IQGAP2: variants seen among roughly 807,000 people sequenced by gnomAD.
The protein encoded by IQGAP2 is IQ motif containing GTPase activating protein 2, also known as ras GTPase-activating-like protein IQGAP2.
A neutral mutation model predicts 201.3 loss-of-function variants in IQGAP2; 173 were observed. The ratio of observed to expected loss-of-function variants is 0.86; its 90% CI spans 0.76 to 0.98. IQGAP2 has a LOEUF of 0.98. Ranked by LOEUF, IQGAP2 falls within the 50% of genes least tolerant of loss-of-function variation. IQGAP2 has a pLI of 0.00. For synonymous variants in IQGAP2, 675 were observed against 673.9 expected (o/e 1.00, Z -0.03); for missense variants, 1,687 against 1,864.8 (o/e 0.90, Z 1.76).
intron 2 of IQGAP2, among the ~76,000 whole-genome samples, chr5:76,486,774 T>C (rs1035987923): frequency 1.3e-5 from 2 of 151,902 alleles, no homozygotes; most frequent in Non-Finnish European, 2.9e-5. Context: ...TTCTTCAGAG[T>C]TTTGTTTTGT....
Position 76,454,292 on chromosome 5 carries a change from T to TATATA in IQGAP2, c.47-7278_47-7277insATATA, listed in dbSNP as rs1561383602. Among the ~76,000 whole-genome samples, 116 of 151,938 alleles carry TATATA rather than the reference T, an allele frequency of 7.6e-4. 2 individuals carry two copies. The South Asian group carries it at 0.023, about 30-fold the overall frequency. On this transcript the variant is annotated intron_variant, in intron 1 of 35. Transcript: ENST00000274364. ...AAAAAGAAATTAGATATATATATAT[T>TATATA]TTTTAATTATTATTATACTTTAAGT...
chr5:76,444,569 G>T (rs1160173883), intron 1 of IQGAP2, among the ~76,000 whole-genome samples: 2 of 152,204 alleles, frequency 1.3e-5, no homozygotes, highest in Admixed American at 6.5e-5. Flanking sequence ...AAATTGCTGG[G>T]ATTACAGGCG....
chr5:76,490,524 G>A lies in IQGAP2; in HGVS notation c.146+28855G>A, dbSNP rs7724382. 8.1e-3 allele frequency among the ~76,000 whole-genome samples: 1,226 copies of A among 152,216 alleles called. 17 individuals are homozygous for A. Among genetic ancestry groups the A allele is most frequent in the African/African-American group, 0.028 (1,159 of 41,516 alleles). On this transcript the variant is annotated intron_variant, in intron 2 of 35. Transcript: ENST00000274364. ...TTTGGAATGCTTTTAGAGACCATTAGGACTTAGGAGCAGTGCAGTGGATGT... is the reference window on the plus strand; with the variant it reads ...TTTGGAATGCTTTTAGAGACCATTAAGACTTAGGAGCAGTGCAGTGGATGT...
At position 76,677,265 on chromosome 5, in the gene IQGAP2, T is replaced by G. The variant is rs776544038; in HGVS notation, c.3575T>G (p.Phe1192Cys). 8 of 1,613,438 alleles carry G rather than the reference T, an allele frequency of 5.0e-6. No individual in the cohort carries two copies. The highest frequency in any genetic ancestry group is 3.4e-6 in the Non-Finnish European group (4 of 1,179,610). ...AATGTCCCTGAGCCAGAAGAGAAGT[T>G]TAATATGGACAAATACACAGACCTG... ...ACNVPEPEEK[F>C]NMDKYTDLVT... The change falls in exon 28 of 36, where the codon TTT (phenylalanine) becomes TGT (cysteine). Residue 1192 changes from phenylalanine to cysteine, a missense_variant. Physicochemically the swap from Phe to Cys is radical, Grantham distance 205 (BLOSUM62 -2). Coordinates refer to ENST00000274364, the MANE Select transcript of IQGAP2 (RefSeq NM_006633.5).
At chr5:76,571,919 A>G (rs1745141839) in intron 4 of IQGAP2, among the ~76,000 whole-genome samples, 3 of 152,238 alleles carry the variant, frequency 2.0e-5, no homozygotes, top group East Asian at 1.9e-4. Flanking sequence ...GTGTGCATGT[A>G]TGTGTGATTC....
chr5:76,609,221 T>TGTTTTAA, intron 12 of IQGAP2: 1 of 1,535,938 alleles, frequency 6.5e-7, no homozygotes, highest in Non-Finnish European at 8.7e-7. Flanking sequence ...TTGGATGGGG[T>TGTTTTAA]GTTTTAAAGG....
chr5:76,620,909 A>G (rs185371897), intron 13 of IQGAP2, among the ~76,000 whole-genome samples: 29 of 152,320 alleles, frequency 1.9e-4, no homozygotes, highest in Admixed American at 1.2e-3. Flanking sequence ...AATTCCTGCA[A>G]TTTCAAAAAC....
At chr5:76,565,891 GACT>G (rs1744714610) in intron 3 of IQGAP2, among the ~76,000 whole-genome samples, 1 of 152,116 alleles carries the variant, frequency 6.6e-6, no homozygotes, top group Non-Finnish European at 1.5e-5. Context: ...TCCCACCCCA[GACT>G]ACTGAGTCAG....
intron 2 of IQGAP2, among the ~76,000 whole-genome samples, chr5:76,516,617 G>A (rs1225203203): frequency 6.6e-6 from 1 of 152,180 alleles, no homozygotes; most frequent in Admixed American, 6.5e-5. Context: ...GTATGTGCGT[G>A]TGTTGGGGGA....
chr5:76,639,971 A>C (rs944366133), intron 16 of IQGAP2, among the ~76,000 whole-genome samples: 2 of 152,228 alleles, frequency 1.3e-5, no homozygotes, highest in Middle Eastern at 3.2e-3. Context: ...AGCATCGAAG[A>C]TTTAAAATTT....
At chr5:76,546,476 T>A (rs74753162) in intron 2 of IQGAP2, among the ~76,000 whole-genome samples, 2,529 of 152,178 alleles carry the variant, frequency 0.017, 70 homozygotes, top group African/African-American at 0.057. Flanking sequence ...TGTAGTGCAC[T>A]ATACTTAGAG....
At chr5:76,422,303 T>C (rs995717903) in intron 1 of IQGAP2, among the ~76,000 whole-genome samples, 2 of 152,196 alleles carry the variant, frequency 1.3e-5, no homozygotes, top group African/African-American at 4.8e-5. Flanking sequence ...TATAGATTGC[T>C]GAGGCCACAG....
chr5:76,419,265 C>T (rs1355178176), intron 1 of IQGAP2, among the ~76,000 whole-genome samples: 2 of 152,104 alleles, frequency 1.3e-5, no homozygotes, highest in Non-Finnish European at 2.9e-5. Flanking sequence ...GCTAGGACTA[C>T]AGGCATGCAC....
At chr5:76,620,257 G>A (rs1749506473) in intron 13 of IQGAP2, among the ~76,000 whole-genome samples, 1 of 152,164 alleles carries the variant, frequency 6.6e-6, no homozygotes, top group African/African-American at 2.4e-5. Flanking sequence ...GACCTGATTT[G>A]GAGGCTACTG....
rs768773573 is a variant in IQGAP2, at chr5:76,698,011, C to A, written c.4231C>A (p.Arg1411Ser). The change falls in exon 33 of 36, where the codon CGT (arginine) becomes AGT (serine). Residue 1411 changes from arginine (R) to serine (S), a missense_variant. Transcript: ENST00000274364. ...GGATATTCGAAATCAAAGAATCTAT[C>A]GTAAGCTTCGAAAAGCTGAATTGGC... ...AKDIRNQRIY[R>S]KLRKAELAKL... 1.2e-6 allele frequency: 2 copies of A among 1,612,638 alleles called. No individual in the cohort carries two copies. The highest frequency in any genetic ancestry group is 1.1e-5 in the South Asian group (1 of 90,804).
Position 76,611,183 on chromosome 5 carries a change from A to G in IQGAP2, c.1521A>G (p.Gly507=), listed in dbSNP as rs1203601622. 11 of 1,604,410 alleles carry G rather than the reference A, an allele frequency of 6.9e-6. No homozygotes were observed. Among genetic ancestry groups the G allele is most frequent in the Non-Finnish European group, 7.7e-6 (9 of 1,176,292 alleles). The change falls in exon 13 of 36, where the codon GGA becomes GGG. Residue 507 remains glycine, a splice_region_variant and synonymous_variant. Coordinates refer to ENST00000274364, the MANE Select transcript of IQGAP2 (RefSeq NM_006633.5). ...VLYHAKSQKL[G]DSESVSKVLW... ...ACCATGCTAAATCACAGAAACTCGGAGTAAGTTTTAGTATATCTGTTTCTT... is the reference window on the plus strand; with the variant it reads ...ACCATGCTAAATCACAGAAACTCGGGGTAAGTTTTAGTATATCTGTTTCTT...
intron 1 of IQGAP2, among the ~76,000 whole-genome samples, chr5:76,453,594 G>A (rs1753895841): frequency 6.6e-6 from 1 of 152,212 alleles, no homozygotes; most frequent in Middle Eastern, 3.2e-3. Flanking sequence ...GATAGGGACA[G>A]GGTGTTAGCA....
At chr5:76,702,691 A>AGAAAACCAGTGCCAGCCTTATTTGCC (rs145804823) in intron 35 of IQGAP2, 101 bp downstream of exon 35, 96,152 of 602,794 alleles carry the variant, frequency 0.16, 11,063 homozygotes, top group South Asian at 0.3. Context: ...AAAGTTTAAC[A>AGAAAACCAGTGCCAGCCTTATTTGCC]GAAAACCAGT....
intron 1 of IQGAP2, among the ~76,000 whole-genome samples, chr5:76,436,448 A>G (rs1336640940): frequency 8.5e-6 from 1 of 118,018 alleles, no homozygotes; most frequent in Non-Finnish European, 1.7e-5. Flanking sequence ...GTTTTATCAG[A>G]TGCTTTTTCT....
Sources: allele counts gnomAD v4.1 joint callset (sites outside exome capture counted in the v4.1 genomes callset), GRCh38; gene constraint gnomAD v4.1.1; transcripts MANE v1.5; gene names NCBI Gene and HGNC (gene_info 2026-07-23, HGNC 2026-07-21).